EPM2A: variants seen among roughly 807,000 people sequenced by gnomAD.
EPM2A encodes laforin.
Under a neutral mutation model 26.5 loss-of-function variants are expected in EPM2A, and 21 were observed. The observed-to-expected ratio is 0.79, with a 90% CI of 0.56 to 1.14. EPM2A has a LOEUF of 1.14. Among genes scored for constraint, EPM2A ranks in the 50% most tolerant of loss-of-function variants. EPM2A has a pLI of 0.00. For synonymous variants in EPM2A, 217 were observed against 177.6 expected (o/e 1.22, Z -1.76); for missense variants, 458 against 440.8 (o/e 1.04, Z -0.35).
chr6:145,432,708 T>C (rs985552811), intron 4 of EPM2A, among the ~76,000 whole-genome samples: 2 of 152,160 alleles, frequency 1.3e-5, no homozygotes, highest in Non-Finnish European at 2.9e-5. Flanking sequence ...CCATGTTAGC[T>C]CCTCACAAGA....
chr6:145,635,191 C>T (rs1776553250), intron 3 of EPM2A, 54 bp downstream of exon 3: 3 of 1,603,442 alleles, frequency 1.9e-6, no homozygotes, highest in Non-Finnish European at 2.6e-6. Flanking sequence ...GACAGACAGA[C>T]AGCAAGGGTT....
intron 2 of EPM2A, among the ~76,000 whole-genome samples, chr6:145,546,749 A>T (rs578193840): frequency 6.6e-6 from 1 of 152,290 alleles, no homozygotes; most frequent in East Asian, 1.9e-4. Context: ...GTAAAATAAT[A>T]TAGATATAGA....
chr6:145,719,769 CT>C (rs1468874079), intron 1 of EPM2A, among the ~76,000 whole-genome samples: 1 of 152,086 alleles, frequency 6.6e-6, no homozygotes, highest in East Asian at 1.9e-4. Flanking sequence ...ATCCCAGTAC[CT>C]ATCACAATTC....
At chr6:145,541,293 C>T (rs1769104038) in intron 2 of EPM2A, among the ~76,000 whole-genome samples, 1 of 144,840 alleles carries the variant, frequency 6.9e-6, no homozygotes, top group South Asian at 2.2e-4. Flanking sequence ...ATAAAAAACA[C>T]CAATTTGTGT....
At chr6:145,402,079 G>A (rs1202055412) in intron 4 of EPM2A, among the ~76,000 whole-genome samples, 1 of 152,014 alleles carries the variant, frequency 6.6e-6, no homozygotes, top group Non-Finnish European at 1.5e-5. Flanking sequence ...CGGCATATTT[G>A]CAAAATCTGA....
At chr6:145,473,085 C>A (rs1015814451) in intron 4 of EPM2A, among the ~76,000 whole-genome samples, 1 of 151,824 alleles carries the variant, frequency 6.6e-6, no homozygotes, top group Non-Finnish European at 1.5e-5. Context: ...CCTGGAGAAA[C>A]AGAGATATGT....
intron 4 of EPM2A, among the ~76,000 whole-genome samples, chr6:145,457,195 C>T (rs955621605): frequency 3.3e-5 from 5 of 152,100 alleles, no homozygotes; most frequent in African/African-American, 9.7e-5. Flanking sequence ...AGAGTTGAAA[C>T]AAGATAATTC....
At chr6:145,532,493 G>C (rs1223005991) in intron 2 of EPM2A, among the ~76,000 whole-genome samples, 1 of 152,124 alleles carries the variant, frequency 6.6e-6, no homozygotes, top group East Asian at 1.9e-4. Flanking sequence ...TGGCTCTCTG[G>C]GGGTGGGGGG....
At chr6:145,416,266 A>G (rs2114679319) in intron 4 of EPM2A, among the ~76,000 whole-genome samples, 1 of 143,118 alleles carries the variant, frequency 7.0e-6, no homozygotes, top group African/African-American at 2.5e-5. Flanking sequence ...TTTTTTTTTA[A>G]TGCAGATTGT....
chr6:145,497,883 G>A (rs137994502), downstream of EPM2A, among the ~76,000 whole-genome samples: 121 of 152,322 alleles, frequency 7.9e-4, no homozygotes, highest in African/African-American at 2.6e-3. Flanking sequence ...GCTTGGGCTC[G>A]CCAAAGCCGG....
chr6:145,510,056 C>T (rs1223208861), intron 2 of EPM2A, among the ~76,000 whole-genome samples: 2 of 151,984 alleles, frequency 1.3e-5, no homozygotes, highest in African/African-American at 4.8e-5. Flanking sequence ...TATATGTTTA[C>T]CCAACATTGG....
intron 4 of EPM2A, among the ~76,000 whole-genome samples, chr6:145,424,865 C>A (rs62437930): frequency 0.12 from 18,348 of 152,146 alleles, 1,616 homozygotes; most frequent in Non-Finnish European, 0.18. Flanking sequence ...TTCCTAGTAA[C>A]CCCCTAGAAC....
intron 4 of EPM2A, chr6:145,489,712 C>A (rs772040182): frequency 2.6e-5 from 38 of 1,435,332 alleles, no homozygotes; most frequent in East Asian, 4.6e-5. Flanking sequence ...GCTCTCTAAT[C>A]CTCAGCATCT....
chr6:145,466,316 T>G (rs1779392578), intron 4 of EPM2A, among the ~76,000 whole-genome samples: 1 of 151,516 alleles, frequency 6.6e-6, no homozygotes, highest in Non-Finnish European at 1.5e-5. Context: ...AACAACCCCA[T>G]CAAAAAGTGG....
intron 2 of EPM2A, among the ~76,000 whole-genome samples, chr6:145,601,956 T>C (rs185863456): frequency 1.4e-3 from 216 of 152,310 alleles, no homozygotes; most frequent in African/African-American, 5.1e-3. Context: ...TACAATTAAT[T>C]ATAAATTTGA....
intron 2 of EPM2A, among the ~76,000 whole-genome samples, chr6:145,573,630 T>A (rs1023509036): frequency 1.3e-5 from 2 of 152,176 alleles, no homozygotes; most frequent in Admixed American, 6.5e-5. Flanking sequence ...TGTTTTCGAT[T>A]TACTATTTTT....
At chr6:145,732,687 A>G (rs1776561506) in intron 1 of EPM2A, among the ~76,000 whole-genome samples, 2 of 152,234 alleles carry the variant, frequency 1.3e-5, no homozygotes, top group Non-Finnish European at 2.9e-5. Context: ...AAATCTGAAC[A>G]TGATTTATAG....
In EPM2A at chr6:145,519,134, T is replaced by C. The variant is rs539114015; in HGVS notation, c.341-16559A>G. Among the ~76,000 whole-genome samples, 4 of 152,342 alleles carry C rather than the reference T, an allele frequency of 2.6e-5. No homozygotes were observed. In the East Asian group the frequency reaches 7.7e-4, roughly 29 times the overall value. On this transcript the variant is annotated intron_variant, in intron 2 of 3. Coordinates refer to the EPM2A transcript ENST00000450221. ...AAATGTCATAAGGTGAAGAAAATTT[T>C]ATTATTTAAGCAGTTGTCTCCTAAA...
intron 1 of EPM2A, among the ~76,000 whole-genome samples, chr6:145,706,980 A>G (rs1477746838): frequency 6.6e-6 from 1 of 152,170 alleles, no homozygotes; most frequent in Non-Finnish European, 1.5e-5. Context: ...GCTTGAGGGA[A>G]TGAGTTCATC....
Sources: gnomAD v4.1 joint callset for allele counts (sites outside exome capture counted in the v4.1 genomes callset) on GRCh38, gnomAD v4.1.1 for gene constraint, MANE v1.5 for transcripts, NCBI Gene and HGNC (gene_info 2026-07-23, HGNC 2026-07-21) for gene names.